MBP: variants seen among roughly 807,000 people sequenced by gnomAD.
MBP encodes the protein Golli-MBP.
Under a neutral mutation model 35.8 loss-of-function variants are expected in MBP, and 16 were observed. The ratio of observed to expected loss-of-function variants is 0.45; its 90% CI spans 0.30 to 0.68. The LOEUF is 0.68. Ranked by LOEUF, MBP falls within the 30% of genes least tolerant of loss-of-function variation. The probability of loss-of-function intolerance (pLI) is 0.08; values close to 1 mark genes in which losing one functional copy is unlikely to be tolerated. For missense variants in MBP, 380 were observed against 404.7 expected (o/e 0.94, Z 0.52); for synonymous variants, 143 against 159.6 (o/e 0.90, Z 0.78).
At chr18:77,103,459 G>C (rs1428097391) in intron 2 of MBP, among the ~76,000 whole-genome samples, 1 of 152,170 alleles carries the variant, frequency 6.6e-6, no homozygotes, top group Non-Finnish European at 1.5e-5. Context: ...AAGTACCAAC[G>C]AAATGGAATA....
intron 3 of MBP, among the ~76,000 whole-genome samples, chr18:77,037,144 G>A (rs929004458): frequency 6.7e-6 from 1 of 149,692 alleles, no homozygotes; most frequent in African/African-American, 2.5e-5. Context: ...AGCTGAGCAA[G>A]TGCTGATCAC....
At chr18:77,035,681 G>T (rs1972740110) in intron 3 of MBP, among the ~76,000 whole-genome samples, 1 of 152,160 alleles carries the variant, frequency 6.6e-6, no homozygotes, top group South Asian at 2.1e-4. Context: ...CCATGAGGCT[G>T]ACTTATTTTC....
chr18:77,025,065 C>A (rs1972150873), intron 3 of MBP, among the ~76,000 whole-genome samples: 3 of 152,096 alleles, frequency 2.0e-5, no homozygotes, highest in South Asian at 4.1e-4. Flanking sequence ...TTTTAGTAGC[C>A]CTTTTATTCA....
chr18:77,028,613 CG>C (rs1181899404), intron 3 of MBP, among the ~76,000 whole-genome samples: 2 of 71,564 alleles, frequency 2.8e-5, no homozygotes, highest in African/African-American at 3.9e-5. Flanking sequence ...GCTGGCCGGG[CG>C]GGGGGCTGAC....
At chr18:77,075,645 G>A (rs1043589875) in intron 2 of MBP, among the ~76,000 whole-genome samples, 1 of 152,162 alleles carries the variant, frequency 6.6e-6, no homozygotes, top group Non-Finnish European at 1.5e-5. Flanking sequence ...GGGACAAAAT[G>A]GTTTCTATTG....
In MBP at chr18:77,017,237, G is replaced by T. The variant is rs756702206; in HGVS notation, c.171C>A (p.Thr57=). Residue 57 remains threonine, a synonymous_variant, in exon 4 of 9, where the codon ACC becomes ACA. Coordinates refer to ENST00000355994, the MANE Select transcript of MBP (RefSeq NM_001025101.2). ...CAGTCACCGCTGTGTCCTGAGAGGA[G>T]GTCCCATTGTTCTGGTTCGCATCTG... is the stretch of plus-strand genomic sequence containing the variant. ...GEADANQNNG[T]SSQDTAVTDS... The T allele has an allele frequency of 6.6e-7, 1 of 1,514,618 alleles. No individual in the cohort carries two copies. The highest frequency in any genetic ancestry group is 2.3e-5 in the East Asian group (1 of 44,002). 93.8% of individuals were successfully genotyped at this position (1,514,618 alleles called of 1,614,324 possible).
intron 8 of MBP, chr18:76,982,536 C>T (rs552329833): frequency 2.6e-5 from 4 of 152,294 alleles, no homozygotes; most frequent in East Asian, 1.9e-4. Context: ...ATGTAGTTTC[C>T]GAGTGATGGG....
chr18:77,113,406 A>G (rs1333615472), intron 1 of MBP: 1 of 152,316 alleles, frequency 6.6e-6, no homozygotes, highest in African/African-American at 2.4e-5. Flanking sequence ...CCTCCTGCAG[A>G]GCTCCCACTC....
chr18:76,990,867 C>T (rs191218266), intron 4 of MBP: 22 of 289,568 alleles, frequency 7.6e-5, no homozygotes, highest in South Asian at 3.9e-4. Flanking sequence ...TTTGGGTGTG[C>T]GACTTGCTGG....
chr18:77,104,800 A>G (rs1416073072), intron 2 of MBP, among the ~76,000 whole-genome samples: 1 of 152,188 alleles, frequency 6.6e-6, no homozygotes, highest in Admixed American at 6.5e-5. Flanking sequence ...CCTCTCTGAG[A>G]GCCTCCTGAT....
intron 3 of MBP, 72 bp from the exon 4 acceptor site, chr18:77,017,340 G>A: frequency 2.1e-6 from 3 of 1,408,362 alleles, no homozygotes; most frequent in Non-Finnish European, 2.8e-6. Context: ...CTTTCTCTGA[G>A]GGGTCTTGAC....
rs946826704 is a variant in MBP, at chr18:77,020,820, C to T, written c.140-3552G>A. Among the ~76,000 whole-genome samples the T allele has an allele frequency of 2.0e-5, 3 of 152,314 alleles. No homozygotes were observed. The highest frequency in any genetic ancestry group is 2.1e-4 in the South Asian group (1 of 4,822). Reference sequence around the variant, plus strand: ...ACTCTGGAAACCCGCATTCCCAGACCACACCCCGGGACCTAGCTCACCACA... The same window carrying T: ...ACTCTGGAAACCCGCATTCCCAGACTACACCCCGGGACCTAGCTCACCACA... On this transcript the variant is annotated intron_variant, in intron 3 of 8. Coordinates refer to ENST00000355994, the MANE Select transcript of MBP (RefSeq NM_001025101.2). The surrounding 1 kb of genome is among the most constrained non-coding windows in gnomAD (Gnocchi z 4.1).
chr18:77,012,768 T>G (rs979066340), intron 4 of MBP: 1 of 985,098 alleles, frequency 1.0e-6, no homozygotes. Flanking sequence ...ATTAAAGAAG[T>G]TCGCATGCAA....
At chr18:77,079,971 G>A (rs1475083508) in intron 2 of MBP, among the ~76,000 whole-genome samples, 1 of 152,188 alleles carries the variant, frequency 6.6e-6, no homozygotes, top group African/African-American at 2.4e-5. Flanking sequence ...CGAGAATCAA[G>A]TCTACTAGTA....
chr18:77,077,016 T>C (rs1974680072), intron 2 of MBP, among the ~76,000 whole-genome samples: 1 of 152,156 alleles, frequency 6.6e-6, no homozygotes, highest in Admixed American at 6.5e-5. Flanking sequence ...AGAGAGTTAA[T>C]ATTTATAAAG....
At position 77,017,098 on chromosome 18, in the gene MBP, C is replaced by T. The variant is rs375853029; in HGVS notation, c.310G>A (p.Asp104Asn). The change falls in exon 4 of 9, where the codon GAC becomes AAC. Residue 104 changes from aspartate to asparagine, a missense_variant. Physicochemically the swap from Asp to Asn is conservative, Grantham distance 23 (BLOSUM62 1). Transcript: ENST00000355994. The stretch of plus-strand genomic sequence containing the variant: ...GAGGGCCTGTCTTTGAAGGTGTTGT[C>T]CTCCCTCCCCGGGGCATCTCGGGAA... ...LFSRDAPGREDNTFKDRPSES... is the reference protein window; with the variant it reads ...LFSRDAPGRENNTFKDRPSES... The T allele has an allele frequency of 3.7e-6, 6 of 1,601,928 alleles. No homozygotes were observed. Among genetic ancestry groups the T allele is most frequent in the African/African-American group, 2.7e-5 (2 of 74,498 alleles).
chr18:77,069,447 G>A (rs1318359008), intron 2 of MBP, among the ~76,000 whole-genome samples: 1 of 152,214 alleles, frequency 6.6e-6, no homozygotes, highest in East Asian at 1.9e-4. Flanking sequence ...AATTAAGTAC[G>A]ATTCAGCTAC....
chr18:77,121,310 A>C (rs1304288454), intron 1 of MBP, among the ~76,000 whole-genome samples: 1 of 41,610 alleles, frequency 2.4e-5, no homozygotes, highest in Non-Finnish European at 4.3e-5. Flanking sequence ...ACTGTGTCTC[A>C]AAAAAAAAAA....
intron 3 of MBP, among the ~76,000 whole-genome samples, chr18:77,042,209 C>T (rs2144632106): frequency 6.6e-6 from 1 of 152,286 alleles, no homozygotes; most frequent in East Asian, 1.9e-4. Flanking sequence ...GGGAGGTGTG[C>T]AGGAAGTGGC....
Sources: allele counts gnomAD v4.1 joint callset (sites outside exome capture counted in the v4.1 genomes callset), GRCh38; gene constraint gnomAD v4.1.1; non-coding constraint Gnocchi (gnomAD v3.1); transcripts MANE v1.5; gene names NCBI Gene and HGNC (gene_info 2026-07-23, HGNC 2026-07-21).